The following DNAJC13 variants were observed in gnomAD, a reference collection of about 807,000 sequenced individuals.
DNAJC13 encodes the protein dnaJ homolog subfamily C member 13.
In DNAJC13, 75 loss-of-function variants were observed where a neutral mutation model predicts 290.5. The ratio of observed to expected loss-of-function variants is 0.26; its 90% CI spans 0.21 to 0.31. The LOEUF (loss-of-function observed/expected upper bound fraction) is 0.31, where lower values mean the gene tolerates loss of function less well. DNAJC13 is among the 10% of genes least tolerant of loss of function. The pLI is 1.00. For missense variants in DNAJC13, 2,260 were observed against 2,674.5 expected (o/e 0.85, Z 3.42); for synonymous variants, 862 against 892.0 (o/e 0.97, Z 0.60).
intron 49 of DNAJC13, 43 bp from the exon 50 acceptor site, chr3:132,523,114 A>G (rs1369069292): frequency 1.2e-6 from 2 of 1,613,100 alleles, no homozygotes; most frequent in Admixed American, 3.3e-5. Flanking sequence ...ATGAAAATGT[A>G]TTTGTGACTG....
chr3:132,482,417 A>C lies in DNAJC13; in HGVS notation c.2979+87A>C, dbSNP rs1259351261. ...CACTTACAGAGGCGTGGAATGTTTTAAAGCTGTCATTTAAATTCCTGTTAT... is the reference window on the plus strand; with the variant it reads ...CACTTACAGAGGCGTGGAATGTTTTCAAGCTGTCATTTAAATTCCTGTTAT... On this transcript the variant is annotated intron_variant, in intron 27 of 55. Coordinates refer to ENST00000260818, the MANE Select transcript of DNAJC13 (RefSeq NM_015268.4). The C allele has an allele frequency of 2.6e-5, 26 of 1,015,360 alleles. No homozygotes were observed. The Middle Eastern group carries it at 1.1e-3, about 42-fold the overall frequency. 62.9% of individuals were successfully genotyped at this position (1,015,360 alleles called of 1,614,324 possible).
intron 5 of DNAJC13, 65 bp from the exon 6 acceptor site, chr3:132,450,582 C>T: frequency 8.3e-7 from 1 of 1,204,038 alleles, no homozygotes; most frequent in Non-Finnish European, 1.2e-6. Flanking sequence ...GACTGTGATA[C>T]ATTAAATTTT....
At chr3:132,516,553 G>T in intron 47 of DNAJC13, 57 bp downstream of exon 47, 2 of 1,578,240 alleles carry the variant, frequency 1.3e-6, no homozygotes, top group South Asian at 1.1e-5. Context: ...AGCTTATTTT[G>T]AGCTGCATTT....
chr3:132,448,871 T>C (rs1340464746), intron 5 of DNAJC13, among the ~76,000 whole-genome samples: 1 of 152,196 alleles, frequency 6.6e-6, no homozygotes, highest in Non-Finnish European at 1.5e-5. Context: ...TGATGAGCCA[T>C]GGTCAAATTT....
chr3:132,520,630 A>G (rs1936061025), intron 48 of DNAJC13, among the ~76,000 whole-genome samples: 1 of 152,242 alleles, frequency 6.6e-6, no homozygotes, highest in Non-Finnish European at 1.5e-5. Flanking sequence ...TGGTCAAATA[A>G]TGTGCCTTTT....
At position 132,456,348 on chromosome 3, in the gene DNAJC13, C is replaced by G. The variant is rs1933597368; in HGVS notation, c.1046C>G (p.Pro349Arg). The change falls in exon 10 of 56, where the codon CCT (proline) becomes CGT (arginine). Residue 349 changes from proline (P) to arginine (R), a missense_variant. Physicochemically the swap from Pro to Arg is moderately radical, Grantham distance 103. Coordinates refer to ENST00000260818, the MANE Select transcript of DNAJC13 (RefSeq NM_015268.4). ...CAGCGATGGGGGTTACTCAGCATGC[C>G]TGTTGATGAGGAAGTAGAGAGCCTT... is the stretch of plus-strand genomic sequence containing the variant. ...KGQRWGLLSM[P>R]VDEEVESLHL... The G allele has an allele frequency of 6.2e-7, 1 of 1,613,820 alleles. No homozygotes were observed. Among genetic ancestry groups the G allele is most frequent in the Admixed American group, 1.7e-5 (1 of 59,986 alleles).
intron 9 of DNAJC13, among the ~76,000 whole-genome samples, chr3:132,454,794 TA>T (rs922825100): frequency 2.0e-4 from 24 of 118,778 alleles, no homozygotes; most frequent in Admixed American, 2.7e-4. Context: ...AAGAACACCT[TA>T]AAAAAAAAAA....
At chr3:132,519,257 A>G (rs998896662) in intron 48 of DNAJC13, among the ~76,000 whole-genome samples, 2 of 152,116 alleles carry the variant, frequency 1.3e-5, no homozygotes, top group African/African-American at 4.8e-5. Context: ...TCCCCTAGCA[A>G]TGTATTTATC....
In DNAJC13 at chr3:132,526,251, T is replaced by A; in HGVS notation, c.6351T>A (p.Phe2117Leu). 1.1e-5 allele frequency: 18 copies of A among 1,614,052 alleles called. No homozygotes were observed. The highest frequency in any genetic ancestry group is 1.5e-5 in the Non-Finnish European group (18 of 1,179,968). Residue 2117 changes from phenylalanine to leucine, a missense_variant, in exon 53 of 56, where the codon TTT becomes TTA. By Grantham distance (22) the Phe-to-Leu change is conservative. Transcript: ENST00000260818. ...GLACEAINRM[F>L]QKEQSELVAQ... ...CCTGTGAAGCAATTAATCGAATGTTTCAGAAGGAGCAGAGTGAATTAGTAG... is the reference window on the plus strand; with the variant it reads ...CCTGTGAAGCAATTAATCGAATGTTACAGAAGGAGCAGAGTGAATTAGTAG...
At chr3:132,458,749 C>T (rs1339637272) in intron 13 of DNAJC13, among the ~76,000 whole-genome samples, 1 of 152,168 alleles carries the variant, frequency 6.6e-6, no homozygotes, top group Non-Finnish European at 1.5e-5. Context: ...TACACACCTA[C>T]TATGTACCCA....
Position 132,453,370 on chromosome 3 carries a change from A to G in DNAJC13, c.610A>G (p.Ile204Val). The G allele has an allele frequency of 1.2e-6, 2 of 1,613,960 alleles. No homozygotes were observed. Among genetic ancestry groups the G allele is most frequent in the South Asian group, 1.1e-5 (1 of 91,086 alleles). Residue 204 changes from isoleucine to valine, a missense_variant, in exon 7 of 56, where the codon ATT (isoleucine) becomes GTT (valine). Ile to Val is a conservative substitution (Grantham distance 29). This residue lies in a region of DNAJC13 where 762 missense variants were observed against 964.1 expected (regional missense o/e 0.79). Coordinates refer to ENST00000260818, the MANE Select transcript of DNAJC13 (RefSeq NM_015268.4). ...AIDHAGNYIG[I>V]SLRIRKEPLE... Reference sequence around the variant, plus strand: ...AGACCATGCTGGTAACTACATAGGTATTTCATTGCGGATCAGGAAAGAGCC... The same window carrying G: ...AGACCATGCTGGTAACTACATAGGTGTTTCATTGCGGATCAGGAAAGAGCC...
intron 55 of DNAJC13, among the ~76,000 whole-genome samples, chr3:132,535,251 A>G (rs913497801): frequency 2.4e-4 from 37 of 152,366 alleles, no homozygotes; most frequent in Non-Finnish European, 5.9e-5. Flanking sequence ...AGTAAATGTC[A>G]TTCAGTCACA....
Position 132,471,150 on chromosome 3 carries a change from C to G in DNAJC13, c.2209-1995C>G, listed in dbSNP as rs539723101. On this transcript the variant is annotated intron_variant, in intron 20 of 55. Coordinates refer to ENST00000260818, the MANE Select transcript of DNAJC13 (RefSeq NM_015268.4). ...CCCATCTCCCTCCTGGACGGGGTGG[C>G]TGGCCCGGCTGAGGGGCTCCTCACT... Among the ~76,000 whole-genome samples, 2 of 127,510 alleles carry G rather than the reference C, an allele frequency of 1.6e-5. 1 individual carries two copies. The highest frequency in any genetic ancestry group is 3.4e-5 in the Non-Finnish European group (2 of 58,746). The allele number at this position is 127,510 out of a possible 152,430, so 83.7% of individuals were successfully genotyped here. A position where few individuals can be genotyped will look rare whatever the true frequency, so the allele number is the denominator to read the frequency against.
intron 1 of DNAJC13, among the ~76,000 whole-genome samples, chr3:132,430,652 A>G (rs919167798): frequency 1.3e-5 from 2 of 152,250 alleles, no homozygotes; most frequent in East Asian, 3.9e-4. Context: ...CACCTTTTCT[A>G]TCTGCCTTTC....
At chr3:132,432,803 G>A (rs1939276435) in intron 1 of DNAJC13, among the ~76,000 whole-genome samples, 1 of 152,138 alleles carries the variant, frequency 6.6e-6, no homozygotes, top group African/African-American at 2.4e-5. Flanking sequence ...CTGATTCCAC[G>A]AGTGAGTCAT....
intron 2 of DNAJC13, among the ~76,000 whole-genome samples, chr3:132,445,737 G>A (rs945702272): frequency 6.6e-6 from 1 of 152,014 alleles, no homozygotes; most frequent in Admixed American, 6.5e-5. Flanking sequence ...CCTTAATTTT[G>A]TTTTATATAT....
At chr3:132,447,027 A>G (rs1255877813) in intron 3 of DNAJC13, among the ~76,000 whole-genome samples, 1 of 152,126 alleles carries the variant, frequency 6.6e-6, no homozygotes, top group Non-Finnish European at 1.5e-5. Context: ...TGTTTCACAA[A>G]CTTTTTAACA....
chr3:132,529,657 G>T (rs991931363), intron 54 of DNAJC13, among the ~76,000 whole-genome samples: 4 of 152,016 alleles, frequency 2.6e-5, no homozygotes, highest in Non-Finnish European at 5.9e-5. Context: ...CGTGGTGGCA[G>T]GCGCCTGTAG....
chr3:132,515,981 A>G (rs556839704), intron 46 of DNAJC13, among the ~76,000 whole-genome samples: 45 of 152,284 alleles, frequency 3.0e-4, no homozygotes, highest in Middle Eastern at 3.4e-3. Context: ...GAAGGATGCA[A>G]TTATGTCTTA....
Sources: allele counts gnomAD v4.1 joint callset (sites outside exome capture counted in the v4.1 genomes callset), GRCh38; gene constraint gnomAD v4.1.1; regional missense constraint gnomAD v4.1.1; transcripts MANE v1.5; gene names NCBI Gene and HGNC (gene_info 2026-07-23, HGNC 2026-07-21).